DLG2: variants seen among roughly 807,000 people sequenced by gnomAD.
DLG2 encodes the protein discs large MAGUK scaffold protein 2, also known as disks large homolog 2.
Under a neutral mutation model 132.5 loss-of-function variants are expected in DLG2, and 45 were observed. That is an observed-to-expected ratio of 0.34 (90% CI 0.27 to 0.44). The LOEUF (loss-of-function observed/expected upper bound fraction) is 0.44, where lower values mean the gene tolerates loss of function less well. DLG2 is among the 20% of genes least tolerant of loss of function. The pLI, the probability that DLG2 is intolerant of heterozygous loss-of-function variation, is 1.00. For missense variants in DLG2, 1,045 were observed against 1,196.9 expected, an observed-to-expected ratio of 0.87 and a Z score of 1.87; for synonymous variants, 424 against 419.6, an observed-to-expected ratio of 1.01 and a Z score of -0.13.
intron 3 of DLG2, among the ~76,000 whole-genome samples, chr11:85,478,344 A>C (rs1474169483): frequency 2.0e-5 from 3 of 152,106 alleles, no homozygotes; most frequent in Non-Finnish European, 4.4e-5. Context: ...AATAGAGTGT[A>C]ATTATTCTAA....
chr11:84,076,626 G>A (rs1383098456), intron 10 of DLG2, among the ~76,000 whole-genome samples: 1 of 152,108 alleles, frequency 6.6e-6, no homozygotes, highest in Non-Finnish European at 1.5e-5. Flanking sequence ...TTCTGTTGCA[G>A]TTGTCTGGCA....
chr11:84,227,071 C>T (rs1026145785), intron 8 of DLG2, among the ~76,000 whole-genome samples: 6 of 151,304 alleles, frequency 4.0e-5, no homozygotes, highest in Non-Finnish European at 4.4e-5. Context: ...GGCAACAGAG[C>T]CAGGCTCCAT....
At chr11:83,494,258 T>C (rs1028700667) in intron 21 of DLG2, among the ~76,000 whole-genome samples, 2 of 151,642 alleles carry the variant, frequency 1.3e-5, no homozygotes, top group African/African-American at 4.8e-5. Context: ...TGAATTGTAC[T>C]GATAATTACC....
At chr11:84,104,116 G>A (rs907111865) in intron 9 of DLG2, among the ~76,000 whole-genome samples, 1 of 151,990 alleles carries the variant, frequency 6.6e-6, no homozygotes, top group African/African-American at 2.4e-5. Flanking sequence ...TCTGAATGTG[G>A]GGATAGTTTG....
At chr11:84,653,348 T>G (rs2099684412) in intron 6 of DLG2, among the ~76,000 whole-genome samples, 1 of 152,186 alleles carries the variant, frequency 6.6e-6, no homozygotes. Context: ...TAACTTACAT[T>G]AAACTGAAAT....
chr11:84,456,528 T>G (rs1264389506), intron 7 of DLG2, among the ~76,000 whole-genome samples: 1 of 151,368 alleles, frequency 6.6e-6, no homozygotes, highest in Non-Finnish European at 1.5e-5. Context: ...AACTGGTCAC[T>G]GCTTTGGTCC....
chr11:84,141,355 AAAGT>A (rs1278443392), intron 9 of DLG2, among the ~76,000 whole-genome samples: 1 of 151,782 alleles, frequency 6.6e-6, no homozygotes, highest in Non-Finnish European at 1.5e-5. Flanking sequence ...TACTTATTAA[AAAGT>A]ATGTAAATGA....
chr11:83,825,122 CATAT>C (rs1243682505), intron 17 of DLG2, among the ~76,000 whole-genome samples: 5 of 117,964 alleles, frequency 4.2e-5, no homozygotes, highest in African/African-American at 1.6e-4. Flanking sequence ...TATATATACA[CATAT>C]ATATATACAC....
intron 16 of DLG2, among the ~76,000 whole-genome samples, chr11:83,872,897 G>T (rs1226386235): frequency 1.2e-4 from 18 of 152,156 alleles, no homozygotes; most frequent in Non-Finnish European, 4.4e-5. Context: ...TACCTCTACT[G>T]CAAACAACAC....
At chr11:83,511,152 T>A (rs1016646740) in intron 21 of DLG2, among the ~76,000 whole-genome samples, 1 of 150,424 alleles carries the variant, frequency 6.6e-6, no homozygotes, top group African/African-American at 2.4e-5. Context: ...GCCCAGCAGG[T>A]TCATTCTTAT....
In DLG2 at chr11:85,482,716, AC is replaced by A. The variant is rs1158950869; in HGVS notation, c.40+115940del. Among the ~76,000 whole-genome samples, 6 of 151,926 alleles carry A rather than the reference AC, an allele frequency of 3.9e-5. No individual in the cohort carries two copies. The East Asian group carries it at 1.2e-3, about 29-fold the overall frequency. ...CTAAGCTCCAAACCAGTGCCCACAG[AC>A]CCAGGCTCCACATGGACCCCAGCAT... is the stretch of plus-strand genomic sequence containing the variant. On this transcript the variant is annotated intron_variant, in intron 3 of 27. Transcript: ENST00000376104.
intron 17 of DLG2, among the ~76,000 whole-genome samples, chr11:83,795,817 T>C (rs1452493204): frequency 1.3e-5 from 2 of 152,224 alleles, no homozygotes; most frequent in African/African-American, 2.4e-5. Flanking sequence ...AGTCTTGTGA[T>C]CTTCTTCAAC....
At chr11:83,682,295 C>T in intron 18 of DLG2, 3 of 985,414 alleles carry the variant, frequency 3.0e-6, no homozygotes, top group South Asian at 4.7e-5. Flanking sequence ...TGACAGAACT[C>T]ACTAGCGGAA....
At chr11:84,300,665 T>C (rs1028453670) in intron 7 of DLG2, among the ~76,000 whole-genome samples, 1 of 152,238 alleles carries the variant, frequency 6.6e-6, no homozygotes, top group East Asian at 1.9e-4. Context: ...GCAGGTATTA[T>C]AGAAGACATC....
At chr11:85,350,060 C>T (rs1208573940) in intron 3 of DLG2, among the ~76,000 whole-genome samples, 1 of 152,232 alleles carries the variant, frequency 6.6e-6, no homozygotes, top group Non-Finnish European at 1.5e-5. Flanking sequence ...TCTCAACATC[C>T]TGTCCAGCAT....
chr11:85,531,259 C>T (rs1686369540), intron 3 of DLG2, among the ~76,000 whole-genome samples: 1 of 152,132 alleles, frequency 6.6e-6, no homozygotes, highest in African/African-American at 2.4e-5. Context: ...AATAAGCTTG[C>T]TGTTGGAGAG....
At chr11:84,297,104 C>A in intron 7 of DLG2, among the ~76,000 whole-genome samples, 2 of 148,810 alleles carry the variant, frequency 1.3e-5, no homozygotes, top group Non-Finnish European at 1.5e-5. Flanking sequence ...CAATACTCAC[C>A]CATGTGAGGT....
At chr11:84,821,614 G>T (rs2077684780) in intron 6 of DLG2, among the ~76,000 whole-genome samples, 1 of 143,996 alleles carries the variant, frequency 6.9e-6, no homozygotes, top group African/African-American at 2.6e-5. Context: ...GCTCACCTAT[G>T]GTTCATACAA....
At position 84,624,884 on chromosome 11, in the gene DLG2, G is replaced by GTCTCGC. The variant is rs1173043541; in HGVS notation, c.358-90159_358-90154dup. Among the ~76,000 whole-genome samples, 4 of 46,458 alleles carry GTCTCGC rather than the reference G, an allele frequency of 8.6e-5. No individual in the cohort carries two copies. The African/African-American group carries it at 2.1e-3, about 24-fold the overall frequency. 30.5% of individuals were successfully genotyped at this position (46,458 alleles called of 152,430 possible). A position where few individuals can be genotyped will look rare whatever the true frequency, so the allele number is the denominator to read the frequency against. ...TTTTTTTTTTTTTTTTTGAGACGGA[G>GTCTCGC]TCTCGCTCTGTCGCCCAGGCTGGAG... On this transcript the variant is annotated intron_variant, in intron 6 of 27. Transcript: ENST00000376104.
Sources: allele counts gnomAD v4.1 joint callset (sites outside exome capture counted in the v4.1 genomes callset), GRCh38; gene constraint gnomAD v4.1.1; transcripts MANE v1.5; gene names NCBI Gene and HGNC (gene_info 2026-07-23, HGNC 2026-07-21).